The following NLRP7 variants were observed in gnomAD, a reference collection of about 807,000 sequenced individuals.
NLRP7 encodes NACHT, LRR and PYD domains-containing protein 7.
In NLRP7, 72 loss-of-function variants were observed where a neutral mutation model predicts 85.5. That is an observed-to-expected ratio of 0.84 (90% CI 0.70 to 1.02). The LOEUF (loss-of-function observed/expected upper bound fraction) is 1.02, where lower values mean the gene tolerates loss of function less well. Ranked by LOEUF, NLRP7 falls within the 50% of genes least tolerant of loss-of-function variation. The probability of loss-of-function intolerance (pLI) is 0.00; values close to 1 mark genes in which losing one functional copy is unlikely to be tolerated. For missense variants in NLRP7, 1,243 were observed against 1,219.5 expected, an observed-to-expected ratio of 1.02 and a Z score of -0.29; for synonymous variants, 550 against 505.2, an observed-to-expected ratio of 1.09 and a Z score of -1.19.
At chr19:54,945,148 CAGG>C (rs1436820946) in intron 1 of NLRP7, among the ~76,000 whole-genome samples, 1 of 146,246 alleles carries the variant, frequency 6.8e-6, no homozygotes, top group Non-Finnish European at 1.5e-5. Context: ...GAGGCTGAGG[CAGG>C]AGAATGGCTT....
At chr19:54,943,715 T>C (rs1220188609) in intron 1 of NLRP7, among the ~76,000 whole-genome samples, 4 of 152,138 alleles carry the variant, frequency 2.6e-5, no homozygotes, top group Admixed American at 2.6e-4. Flanking sequence ...GAACAGCAAA[T>C]CTTTTTCCCC....
chr19:54,928,256 G>T (rs1388304802), intron 9 of NLRP7, among the ~76,000 whole-genome samples: 1 of 152,046 alleles, frequency 6.6e-6, no homozygotes, highest in East Asian at 1.9e-4. Context: ...ACAAAAATTA[G>T]CCAGGTATGG....
At chr19:54,923,758 G>A (rs2068316428) in exon 10 of NLRP7, 1 of 1,613,286 alleles carries the variant, frequency 6.2e-7, no homozygotes. Context: ...AAAAGTCACA[G>A]CACGGAGGTG....
In NLRP7 at chr19:54,932,288, C is replaced by T. The variant is rs1414761896; in HGVS notation, c.2642+1281G>A. Among the ~76,000 whole-genome samples, 5 of 151,890 alleles carry T rather than the reference C, an allele frequency of 3.3e-5. No individual in the cohort carries two copies. In the East Asian group the frequency reaches 9.7e-4, roughly 29 times the overall value. On this transcript the variant is annotated intron_variant, in intron 8 of 9. Transcript: ENST00000340844. ...ACTAAAAGTGCAAAAATTAGCCAGG[C>T]ATGGTGGAGGGCACCTGTAATCCCA...
exon 4 of NLRP7, chr19:54,940,361 C>T: frequency 6.2e-7 from 1 of 1,614,196 alleles, no homozygotes; most frequent in Non-Finnish European, 8.5e-7. Context: ...CCGTTGGTTT[C>T]TCAGAGTGAC....
exon 9 of NLRP7, chr19:54,930,568 T>C: frequency 6.2e-7 from 1 of 1,612,646 alleles, no homozygotes; most frequent in Non-Finnish European, 8.5e-7. Flanking sequence ...ACGAGCTATC[T>C]GGTTGATACT....
intron 5 of NLRP7, among the ~76,000 whole-genome samples, chr19:54,937,591 C>CAAAAAAA (rs2068987928): frequency 6.9e-6 from 1 of 145,152 alleles, no homozygotes; most frequent in East Asian, 2.0e-4. Context: ...AACTCTGTCT[C>CAAAAAAA]AGAAAAAATA....
chr19:54,927,545 G>T, intron 9 of NLRP7, 60 bp downstream of exon 10: 2 of 1,538,708 alleles, frequency 1.3e-6, no homozygotes, highest in South Asian at 2.2e-5. Flanking sequence ...GACAGAGCAC[G>T]ACTCCATCTC....
intron 1 of NLRP7, among the ~76,000 whole-genome samples, chr19:54,964,224 T>G (rs1240519635): frequency 1.4e-4 from 18 of 132,738 alleles, no homozygotes; most frequent in East Asian, 4.6e-4. Context: ...TTTTTTTTTT[T>G]TTTTTTTTTT....
At chr19:54,942,281 A>AC (rs71181716) in intron 1 of NLRP7, among the ~76,000 whole-genome samples, 1 of 148,586 alleles carries the variant, frequency 6.7e-6, no homozygotes, top group Non-Finnish European at 1.5e-5. Flanking sequence ...AAAAAAAAAA[A>AC]GAATACAAAG....
intron 8 of NLRP7, among the ~76,000 whole-genome samples, chr19:54,932,112 G>A (rs530188895): frequency 6.6e-6 from 1 of 152,216 alleles, no homozygotes; most frequent in African/African-American, 2.4e-5. Flanking sequence ...TAACGATCAG[G>A]TAGGTGACTG....
chr19:54,947,797 G>A (rs147914078), upstream of NLRP7: 2 of 451,804 alleles, frequency 4.4e-6, no homozygotes, highest in African/African-American at 4.0e-5. Flanking sequence ...CGACAGAACA[G>A]GAAATACACA....
chr19:54,938,465 T>C, intron 4 of NLRP7, among the ~76,000 whole-genome samples: 1 of 152,192 alleles, frequency 6.6e-6, no homozygotes, highest in Non-Finnish European at 1.5e-5. Flanking sequence ...GGCTCATGCC[T>C]GTAATCCCAA....
At chr19:54,957,812 T>C (rs1472244275) in intron 1 of NLRP7, among the ~76,000 whole-genome samples, 1 of 152,082 alleles carries the variant, frequency 6.6e-6, no homozygotes, top group African/African-American at 2.4e-5. Flanking sequence ...CCAAAGAACC[T>C]AGGAGGGTGG....
exon 4 of NLRP7, chr19:54,939,991 C>T: frequency 6.2e-7 from 1 of 1,614,190 alleles, no homozygotes; most frequent in Non-Finnish European, 8.5e-7. Context: ...GCACCGGCTT[C>T]TTCTTCTCCC....
chr19:54,923,704 G>C (rs201252011), exon 10 of NLRP7: 1 of 1,610,902 alleles, frequency 6.2e-7, no homozygotes, highest in Admixed American at 1.7e-5. Flanking sequence ...CCCGAATCCC[G>C]CTTCCTGTGT....
chr19:54,935,943 C>T (rs1403285042), intron 6 of NLRP7, among the ~76,000 whole-genome samples: 4 of 152,072 alleles, frequency 2.6e-5, no homozygotes, highest in South Asian at 2.1e-4. Context: ...AAAACCGGCC[C>T]GCGGTGCAGA....
intron 8 of NLRP7, 127 bp downstream of exon 8, chr19:54,933,442 G>A: frequency 8.2e-7 from 1 of 1,225,572 alleles, no homozygotes; most frequent in Non-Finnish European, 1.2e-6. Context: ...ACCACGCCTG[G>A]CCTCTGCCTG....
At chr19:54,946,626 C>T (rs184917801) in intron 1 of NLRP7, among the ~76,000 whole-genome samples, 543 of 151,708 alleles carry the variant, frequency 3.6e-3, no homozygotes, top group Non-Finnish European at 5.0e-3. Flanking sequence ...GTAGCTTGGA[C>T]ACAGCACAAG....
Sources: allele counts gnomAD v4.1 joint callset (sites outside exome capture counted in the v4.1 genomes callset), GRCh38; gene constraint gnomAD v4.1.1; transcripts MANE v1.5; gene names NCBI Gene and HGNC (gene_info 2026-07-23, HGNC 2026-07-21).